PDCL: variants seen among roughly 807,000 people sequenced by gnomAD.
PDCL encodes phosducin-like protein.
Under a neutral mutation model 26.7 loss-of-function variants are expected in PDCL, and 11 were observed. The ratio of observed to expected loss-of-function variants is 0.41; its 90% CI spans 0.26 to 0.68. The LOEUF (loss-of-function observed/expected upper bound fraction) is 0.68. Among genes scored for constraint, PDCL ranks in the 30% least tolerant of loss-of-function variants. The pLI is 0.30. For missense variants in PDCL, 330 were observed against 371.6 expected (o/e 0.89, Z 0.92); for synonymous variants, 118 against 134.9 (o/e 0.87, Z 0.87).
At position 122,820,029 on chromosome 9, in the gene PDCL, C is replaced by A; in HGVS notation, c.*56G>T. Reference sequence around the variant, plus strand: ...CAGAAGACAAAGGAACAAAAATAAACAATGACGTGTATTCCAACCCAAACA... The same window carrying A: ...CAGAAGACAAAGGAACAAAAATAAAAAATGACGTGTATTCCAACCCAAACA... On this transcript the variant is annotated 3_prime_UTR_variant, in exon 4 of 4. Transcript: ENST00000259467. The A allele has an allele frequency of 7.1e-7, 1 of 1,406,764 alleles. No homozygotes were observed. Among genetic ancestry groups the A allele is most frequent in the Non-Finnish European group, 9.7e-7 (1 of 1,034,834 alleles). 87.1% of individuals were successfully genotyped at this position (1,406,764 alleles called of 1,614,324 possible).
chr9:122,822,135 C>G (rs1326404141), intron 3 of PDCL, among the ~76,000 whole-genome samples: 8 of 152,154 alleles, frequency 5.3e-5, no homozygotes, highest in Non-Finnish European at 8.8e-5. Flanking sequence ...CTTATCTGCT[C>G]CCTGATCCTG....
rs1254410569 is a variant in PDCL, at chr9:122,818,317, AAATT to A, written c.*1764_*1767del. 3 of 152,302 alleles carry A rather than the reference AAATT, an allele frequency of 2.0e-5. No individual in the cohort carries two copies. The highest frequency in any genetic ancestry group is 4.4e-5 in the Non-Finnish European group (3 of 68,028). 9.4% of individuals were successfully genotyped at this position (152,302 alleles called of 1,614,324 possible). On this transcript the variant is annotated 3_prime_UTR_variant, in exon 4 of 4. Transcript: ENST00000259467. ...ATAAAAATAAAGAGACTGGTTAAAT[AAATT>A]ATTATATATCCAAATGATGAAATAT...
chr9:122,824,153 A>G (rs886155811), intron 2 of PDCL, among the ~76,000 whole-genome samples: 1 of 152,190 alleles, frequency 6.6e-6, no homozygotes, highest in Admixed American at 6.5e-5. Context: ...TAACCCGTCA[A>G]GCCCTGTGCT....
intron 2 of PDCL, among the ~76,000 whole-genome samples, chr9:122,825,701 A>T (rs902143428): frequency 2.0e-5 from 3 of 152,160 alleles, no homozygotes; most frequent in Non-Finnish European, 4.4e-5. Flanking sequence ...AAGAAAAAAA[A>T]CACCTAATTT....
chr9:122,823,161 T>C lies in PDCL; in HGVS notation c.209A>G (p.Lys70Arg). The change falls in exon 3 of 4, where the codon AAG (lysine) becomes AGG (arginine). Residue 70 changes from lysine (K) to arginine (R), a missense_variant. Physicochemically the swap from Lys to Arg is conservative, Grantham distance 26. Coordinates refer to ENST00000259467, the MANE Select transcript of PDCL (RefSeq NM_005388.5). Reference protein sequence around the residue: ...KGVINDWRRFKQLETEQREEQ... With the variant: ...KGVINDWRRFRQLETEQREEQ... ...CTCCCTCTGCTCTGTCTCCAACTGC[T>C]TGAAGCGGCGCCAGTCATTGATCAC... is the stretch of plus-strand genomic sequence containing the variant. 1 of 1,614,108 alleles carries C rather than the reference T, an allele frequency of 6.2e-7. No homozygotes were observed. Among genetic ancestry groups the C allele is most frequent in the Middle Eastern group, 1.6e-4 (1 of 6,062 alleles).
intron 2 of PDCL, among the ~76,000 whole-genome samples, chr9:122,824,641 TACTTGAAAG>T (rs941503527): frequency 6.6e-6 from 1 of 152,144 alleles, no homozygotes; most frequent in Non-Finnish European, 1.5e-5. Flanking sequence ...TCCCAAAAAA[TACTTGAAAG>T]ACTTGAATAA....
At position 122,820,151 on chromosome 9, in the gene PDCL, C is replaced by G; in HGVS notation, c.840G>C (p.Leu280Phe). The part of the protein sequence containing the change: ...EFGLLPEKEV[L>F]VLTSVRNSAT... ...CAGAGTTACGCACAGATGTCAGCAC[C>G]AAGACTTCCTTTTCTGGGAGTAATC... Residue 280 changes from leucine (L) to phenylalanine (F), a missense_variant, in exon 4 of 4, where the codon TTG becomes TTC. Physicochemically the swap from Leu to Phe is conservative, Grantham distance 22. Transcript: ENST00000259467. 2 of 1,614,138 alleles carry G rather than the reference C, an allele frequency of 1.2e-6. No homozygotes were observed. The highest frequency in any genetic ancestry group is 2.2e-5 in the South Asian group (2 of 91,074).
intron 2 of PDCL, among the ~76,000 whole-genome samples, chr9:122,824,047 T>C (rs549141546): frequency 6.8e-4 from 103 of 152,300 alleles, no homozygotes; most frequent in African/African-American, 2.4e-3. Context: ...TATGGGATGA[T>C]GGGCATGAGC....
In PDCL at chr9:122,820,133, A is replaced by G; in HGVS notation, c.858T>C (p.Arg286=). 1 of 1,614,010 alleles carries G rather than the reference A, an allele frequency of 6.2e-7. No homozygotes were observed. Among genetic ancestry groups the G allele is most frequent in the Non-Finnish European group, 8.5e-7 (1 of 1,179,900 alleles). Residue 286 remains arginine (R), a synonymous_variant, in exon 4 of 4, where the codon CGT becomes CGC. Transcript: ENST00000259467. ...EKEVLVLTSV[R]NSATCHSEDS... is the part of the protein sequence containing the mutation. The stretch of plus-strand genomic sequence containing the variant: ...CCTCACTGTGACACGTGGCAGAGTT[A>G]CGCACAGATGTCAGCACCAAGACTT...
intron 2 of PDCL, among the ~76,000 whole-genome samples, chr9:122,824,334 T>C (rs982905894): frequency 5.9e-5 from 9 of 152,218 alleles, no homozygotes; most frequent in African/African-American, 1.9e-4. Flanking sequence ...ACAAAAAGTA[T>C]GCCGTGTATG....
rs759473616 is a variant in PDCL at position 122,828,579 on chromosome 9, G to C, written c.-114C>G. On this transcript the variant is annotated 5_prime_UTR_variant, in exon 1 of 4. Transcript: ENST00000259467. ...GTGGGTCAGCGCCCTGAGCGCTAAAGAGAAAAGCCGCCGAAGCCCGACAGC... is the reference window on the plus strand; with the variant it reads ...GTGGGTCAGCGCCCTGAGCGCTAAACAGAAAAGCCGCCGAAGCCCGACAGC... 4.6e-5 allele frequency: 7 copies of C among 152,208 alleles called. No homozygotes were observed. The highest frequency in any genetic ancestry group is 1.0e-4 in the Non-Finnish European group (7 of 68,072). 9.4% of individuals were successfully genotyped at this position (152,208 alleles called of 1,614,324 possible). A position where few individuals can be genotyped will look rare whatever the true frequency, so the allele number is the denominator to read the frequency against.
chr9:122,828,160 G>T (rs776435016), intron 1 of PDCL, among the ~76,000 whole-genome samples: 4 of 152,144 alleles, frequency 2.6e-5, no homozygotes, highest in African/African-American at 9.7e-5. Flanking sequence ...AGCGGCGGAG[G>T]GGAGGGAAGG....
chr9:122,822,892 A>G lies in PDCL; in HGVS notation c.354+124T>C, dbSNP rs140479245. ...TGGGTTTGAGTTTTGACAGGGCTCT[A>G]TGATTTCTCCTGCACTGCACAACTT... On this transcript the variant is annotated intron_variant, in intron 3 of 3. Coordinates refer to ENST00000259467, the MANE Select transcript of PDCL (RefSeq NM_005388.5). 1,594 of 840,350 alleles carry G rather than the reference A, an allele frequency of 1.9e-3. 11 individuals carry two copies. The African/African-American group carries it at 0.023, about 12-fold the overall frequency. 52.1% of individuals were successfully genotyped at this position (840,350 alleles called of 1,614,324 possible).
At chr9:122,821,356 A>C (rs922189993) in intron 3 of PDCL, among the ~76,000 whole-genome samples, 9 of 152,112 alleles carry the variant, frequency 5.9e-5, no homozygotes, top group Admixed American at 5.2e-4. Flanking sequence ...GAAAGATAAC[A>C]AGACATTACA....
chr9:122,819,439 T>C lies in PDCL; in HGVS notation c.*646A>G, dbSNP rs773493258. ...ATTTCCAGCCCCACTCCAGCTCTAATGTTTAAATCCATAAACTACTTGTCT... is the reference window on the plus strand; with the variant it reads ...ATTTCCAGCCCCACTCCAGCTCTAACGTTTAAATCCATAAACTACTTGTCT... On this transcript the variant is annotated 3_prime_UTR_variant, in exon 4 of 4. Coordinates refer to ENST00000259467, the MANE Select transcript of PDCL (RefSeq NM_005388.5). 6.6e-6 allele frequency: 1 copy of C among 152,222 alleles called. No homozygotes were observed. Among genetic ancestry groups the C allele is most frequent in the Non-Finnish European group, 1.5e-5 (1 of 68,046 alleles). 9.4% of individuals were successfully genotyped at this position (152,222 alleles called of 1,614,324 possible). A position where few individuals can be genotyped will look rare whatever the true frequency, so the allele number is the denominator to read the frequency against.
intron 2 of PDCL, 66 bp from the exon 3 acceptor site, chr9:122,823,263 T>C: frequency 6.7e-7 from 1 of 1,498,612 alleles, no homozygotes; most frequent in South Asian, 1.2e-5. Flanking sequence ...AGCTGACATC[T>C]GTAGGTAGGA....
rs1188947710 is a variant in PDCL, at chr9:122,823,073, C to T, written c.297G>A (p.Leu99=). The T allele has an allele frequency of 1.2e-6, 2 of 1,614,054 alleles. No homozygotes were observed. Among genetic ancestry groups the T allele is most frequent in the Admixed American group, 3.3e-5 (2 of 60,000 alleles). The change falls in exon 3 of 4, where the codon CTG becomes CTA. Residue 99 remains leucine, a synonymous_variant. Coordinates refer to ENST00000259467, the MANE Select transcript of PDCL (RefSeq NM_005388.5). ...KKLSMTCRSH[L]DEEEEQQKQK... is the part of the protein sequence containing the mutation. Reference sequence around the variant, plus strand: ...GTTTCTGTTGCTCCTCCTCTTCATCCAGATGGGACCTGCAAGTCATTGACA... The same window carrying T: ...GTTTCTGTTGCTCCTCCTCTTCATCTAGATGGGACCTGCAAGTCATTGACA...
intron 1 of PDCL, among the ~76,000 whole-genome samples, chr9:122,827,596 G>A (rs1189827013): frequency 6.6e-6 from 1 of 152,102 alleles, no homozygotes; most frequent in Non-Finnish European, 1.5e-5. Context: ...GCCAGGTGTG[G>A]TGGCGGGTGT....
At position 122,820,527 on chromosome 9, in the gene PDCL, C is replaced by T; in HGVS notation, c.464G>A (p.Gly155Glu). Reference protein sequence around the residue: ...MEEMRQQLHKGPQFKQVFEIS... With the variant: ...MEEMRQQLHKEPQFKQVFEIS... Reference sequence around the variant, plus strand: ...CTCAAAAACCTGCTTGAATTGGGGCCCCTTGTGAAGCTGCTGCCGCATCTC... The same window carrying T: ...CTCAAAAACCTGCTTGAATTGGGGCTCCTTGTGAAGCTGCTGCCGCATCTC... The change falls in exon 4 of 4, where the codon GGG (glycine) becomes GAG (glutamate). Residue 155 changes from glycine to glutamate, a missense_variant. Physicochemically the swap from Gly to Glu is moderately conservative, Grantham distance 98 (BLOSUM62 -2). Coordinates refer to ENST00000259467, the MANE Select transcript of PDCL (RefSeq NM_005388.5). 1 of 1,613,990 alleles carries T rather than the reference C, an allele frequency of 6.2e-7. No individual in the cohort carries two copies. The highest frequency in any genetic ancestry group is 8.5e-7 in the Non-Finnish European group (1 of 1,180,008).
Sources: gnomAD v4.1 joint callset for allele counts (sites outside exome capture counted in the v4.1 genomes callset) on GRCh38, gnomAD v4.1.1 for gene constraint, MANE v1.5 for transcripts, NCBI Gene and HGNC (gene_info 2026-07-23, HGNC 2026-07-21) for gene names.